UBR2: variants seen among roughly 807,000 people sequenced by gnomAD.
UBR2 encodes E3 ubiquitin-protein ligase UBR2.
In UBR2, 92 loss-of-function variants were observed where a neutral mutation model predicts 247.9. The observed-to-expected ratio is 0.37, with a 90% CI of 0.31 to 0.44. The LOEUF (loss-of-function observed/expected upper bound fraction) is 0.44, where lower values mean the gene tolerates loss of function less well. UBR2 is among the 20% of genes least tolerant of loss of function. UBR2 has a pLI of 1.00. For synonymous variants in UBR2, 672 were observed against 693.5 expected, an observed-to-expected ratio of 0.97 and a Z score of 0.49; for missense variants, 1,613 against 2,112.6, an observed-to-expected ratio of 0.76 and a Z score of 4.64.
chr6:42,678,589 C>T lies in UBR2; in HGVS notation c.4529C>T (p.Ala1510Val). ...SGWHLWRSVRAGIMPFLKCSA... is the reference protein window; with the variant it reads ...SGWHLWRSVRVGIMPFLKCSA... ...TGGCATCTGTGGAGGAGTGTCAGAG[C>T]TGGAATCATGCCTTTCCTGAAGTGT... Residue 1510 changes from alanine to valine, a missense_variant, in exon 41 of 47, where the codon GCT becomes GTT. Physicochemically the swap from Ala to Val is moderately conservative, Grantham distance 64 (BLOSUM62 0). This residue lies in a region of UBR2 where 1,524 missense variants were observed against 1,967.3 expected (regional missense o/e 0.77). Transcript: ENST00000372901. The T allele has an allele frequency of 1.2e-6, 2 of 1,613,938 alleles. No homozygotes were observed. Among genetic ancestry groups the T allele is most frequent in the East Asian group, 4.5e-5 (2 of 44,870 alleles).
Position 42,640,205 on chromosome 6 carries a change from G to T in UBR2, c.1859-4G>T. 6.3e-7 allele frequency: 1 copy of T among 1,598,888 alleles called. No homozygotes were observed. Among genetic ancestry groups the T allele is most frequent in the East Asian group, 2.3e-5 (1 of 44,286 alleles). On this transcript the variant is annotated splice_polypyrimidine_tract_variant and splice_region_variant and intron_variant, in intron 15 of 46. Transcript: ENST00000372901. Reference sequence around the variant, plus strand: ...TACTGTTTTTTGTTTGTTCTTTCATGCAGGTTTACATGTATTATTAAGCAA... The same window carrying T: ...TACTGTTTTTTGTTTGTTCTTTCATTCAGGTTTACATGTATTATTAAGCAA...
At chr6:42,571,404 C>T (rs939778654) in intron 1 of UBR2, among the ~76,000 whole-genome samples, 4 of 151,666 alleles carry the variant, frequency 2.6e-5, no homozygotes, top group Non-Finnish European at 4.4e-5. Flanking sequence ...AAAAAAAGTC[C>T]GAAGCACTTA....
intron 7 of UBR2, among the ~76,000 whole-genome samples, chr6:42,611,152 T>TTA (rs969599191): frequency 1.6e-5 from 2 of 128,870 alleles, no homozygotes; most frequent in African/African-American, 5.5e-5. Flanking sequence ...AGCCATGATT[T>TTA]AAAAAAAAAA....
chr6:42,665,582 A>T lies in UBR2; in HGVS notation c.3802+70A>T, dbSNP rs530094786. 656 of 1,257,934 alleles carry T rather than the reference A, an allele frequency of 5.2e-4. 13 individuals carry two copies. The South Asian group carries it at 8.9e-3, about 17-fold the overall frequency. The allele number at this position is 1,257,934 out of a possible 1,614,324, so 77.9% of individuals were successfully genotyped here. On this transcript the variant is annotated intron_variant, in intron 33 of 46. Transcript: ENST00000372901. ...TCATCAGAAAATGTATTTCCAGAAGAAGTTGTTTAAAAGTGAAACCTCCCA... is the reference window on the plus strand; with the variant it reads ...TCATCAGAAAATGTATTTCCAGAAGTAGTTGTTTAAAAGTGAAACCTCCCA...
chr6:42,596,719 C>T (rs994593397), intron 4 of UBR2, among the ~76,000 whole-genome samples: 8 of 152,094 alleles, frequency 5.3e-5, no homozygotes, highest in Admixed American at 6.6e-5. Context: ...AAGTGAAAGA[C>T]GCTAGACTCA....
chr6:42,669,950 A>G, intron 34 of UBR2, 142 bp from the exon 35 acceptor site: 3 of 1,043,434 alleles, frequency 2.9e-6, no homozygotes, highest in Non-Finnish European at 4.1e-6. Flanking sequence ...AGTTTGCATT[A>G]TCTCTGATCA....
At chr6:42,590,990 G>A (rs1383097924) in intron 2 of UBR2, among the ~76,000 whole-genome samples, 1 of 152,220 alleles carries the variant, frequency 6.6e-6, no homozygotes, top group Non-Finnish European at 1.5e-5. Flanking sequence ...GGTGGCCCAT[G>A]CCTGTAATCC....
At chr6:42,627,402 G>C (rs1008685183) in intron 11 of UBR2, among the ~76,000 whole-genome samples, 5 of 152,210 alleles carry the variant, frequency 3.3e-5, no homozygotes, top group African/African-American at 1.2e-4. Flanking sequence ...TTCTAATCTA[G>C]TGGCTAATTT....
chr6:42,680,195 A>G (rs60285838), intron 42 of UBR2, among the ~76,000 whole-genome samples: 21,840 of 152,012 alleles, frequency 0.14, 1,846 homozygotes, highest in African/African-American at 0.23. Context: ...CATGTTGGTC[A>G]GGCTGGTCTC....
chr6:42,640,169 A>C, intron 15 of UBR2, 40 bp from the exon 16 acceptor site: 1 of 1,535,304 alleles, frequency 6.5e-7, no homozygotes, highest in Non-Finnish European at 8.9e-7. Context: ...AATGATTTTT[A>C]CTGATAGAAA....
At chr6:42,636,175 T>G (rs1796080513) in intron 14 of UBR2, among the ~76,000 whole-genome samples, 1 of 67,888 alleles carries the variant, frequency 1.5e-5, no homozygotes, top group South Asian at 6.2e-4. Flanking sequence ...TGGTTGTTTT[T>G]TTTTTTGTTT....
intron 15 of UBR2, among the ~76,000 whole-genome samples, chr6:42,638,966 T>C (rs1796270165): frequency 6.6e-6 from 1 of 152,234 alleles, no homozygotes; most frequent in South Asian, 2.1e-4. Context: ...CCCTCAAAGC[T>C]GTCGTGTGAA....
intron 11 of UBR2, among the ~76,000 whole-genome samples, chr6:42,632,069 AATAT>A (rs1554254886): frequency 0.011 from 1,215 of 114,040 alleles, 15 homozygotes; most frequent in African/African-American, 0.026. Context: ...AAAAAAAAAA[AATAT>A]ATATATATAT....
chr6:42,669,885 G>A (rs1289300504), intron 34 of UBR2, among the ~76,000 whole-genome samples: 1 of 152,156 alleles, frequency 6.6e-6, no homozygotes, highest in Non-Finnish European at 1.5e-5. Context: ...CCTGTTTTCA[G>A]CCCTGTGCCT....
At chr6:42,658,914 A>C (rs1357899332) in intron 29 of UBR2, 90 bp downstream of exon 29, 2 of 1,296,674 alleles carry the variant, frequency 1.5e-6, no homozygotes, top group Non-Finnish European at 2.0e-6. Context: ...GTATACTTTT[A>C]ATCCTAAAGT....
At chr6:42,637,543 C>T (rs1796175269) in intron 15 of UBR2, among the ~76,000 whole-genome samples, 1 of 152,164 alleles carries the variant, frequency 6.6e-6, no homozygotes, top group Non-Finnish European at 1.5e-5. Flanking sequence ...TCGAATCCAG[C>T]TTCAAAGTCT....
At chr6:42,565,653 C>T (rs1195891932) in intron 1 of UBR2, among the ~76,000 whole-genome samples, 6 of 152,040 alleles carry the variant, frequency 3.9e-5, no homozygotes, top group Admixed American at 2.6e-4. Flanking sequence ...CTCAGTCTCC[C>T]GGGTTCAAGC....
intron 41 of UBR2, 88 bp from the exon 42 acceptor site, chr6:42,679,636 T>C (rs1025710460): frequency 4.1e-6 from 4 of 983,538 alleles, no homozygotes; most frequent in Non-Finnish European, 6.2e-6. Context: ...CTTTCATCCT[T>C]TTTTTTTAAA....
At position 42,663,788 on chromosome 6, in the gene UBR2, A is replaced by G. The variant is rs193031380; in HGVS notation, c.3698+369A>G. On this transcript the variant is annotated intron_variant, in intron 32 of 46. Transcript: ENST00000372901. ...TTATAGGACAGTCTAAAAATCGAAT[A>G]AAACTTTTTGCTGTACTGGCCATTC... is the stretch of plus-strand genomic sequence containing the variant. 8.0e-4 allele frequency among the ~76,000 whole-genome samples: 122 copies of G among 152,328 alleles called. 1 individual carries two copies. The highest frequency in any genetic ancestry group is 7.6e-3 in the Admixed American group (117 of 15,302).
Sources: allele counts gnomAD v4.1 joint callset (sites outside exome capture counted in the v4.1 genomes callset), GRCh38; gene constraint gnomAD v4.1.1; regional missense constraint gnomAD v4.1.1; transcripts MANE v1.5; gene names NCBI Gene and HGNC (gene_info 2026-07-23, HGNC 2026-07-21).